The following EZR variants were observed in gnomAD, a reference collection of about 807,000 sequenced individuals.
EZR encodes ezrin.
EZR carries 40 observed loss-of-function variants against 74.8 expected under a neutral mutation model. That is an observed-to-expected ratio of 0.53 (90% CI 0.42 to 0.70). The LOEUF (loss-of-function observed/expected upper bound fraction) is 0.70. Ranked by LOEUF, EZR falls within the 30% of genes least tolerant of loss-of-function variation. The probability of loss-of-function intolerance (pLI) is 0.00; values close to 1 mark genes in which losing one functional copy is unlikely to be tolerated. For synonymous variants in EZR, 341 were observed against 283.3 expected, an observed-to-expected ratio of 1.20 and a Z score of -2.05; for missense variants, 678 against 755.8, an observed-to-expected ratio of 0.90 and a Z score of 1.21.
At chr6:158,780,588 T>C (rs757994459) in intron 7 of EZR, among the ~76,000 whole-genome samples, 1 of 152,178 alleles carries the variant, frequency 6.6e-6, no homozygotes, top group Admixed American at 6.5e-5. Context: ...CGTGCACCCT[T>C]TCCCTTTAAG....
rs1400811429 is a variant in EZR, at chr6:158,766,708, G to GT, written c.*205_*206insA. The GT allele has an allele frequency of 1.7e-6, 1 of 604,842 alleles. No individual in the cohort carries two copies. Among genetic ancestry groups the GT allele is most frequent in the African/African-American group, 1.8e-5 (1 of 54,184 alleles). 37.5% of individuals were successfully genotyped at this position (604,842 alleles called of 1,614,324 possible). ...GATTCGAGAATAATCGCGAGAATCAGGCCTGCTTGGCACTATTACAACTGG... is the reference window on the plus strand; with the variant it reads ...GATTCGAGAATAATCGCGAGAATCAGTGCCTGCTTGGCACTATTACAACTGG... On this transcript the variant is annotated 3_prime_UTR_variant, in exon 14 of 14. Transcript: ENST00000367075.
chr6:158,780,516 A>G (rs1791407710), intron 7 of EZR, among the ~76,000 whole-genome samples: 1 of 152,168 alleles, frequency 6.6e-6, no homozygotes, highest in South Asian at 2.1e-4. Context: ...CTGAGTACCT[A>G]TCCGCAAGGA....
At chr6:158,816,519 C>G (rs770969008) in intron 2 of EZR, among the ~76,000 whole-genome samples, 54 of 152,266 alleles carry the variant, frequency 3.5e-4, no homozygotes, top group Admixed American at 1.5e-3. Flanking sequence ...CTCCGCATAC[C>G]GTTGCACTCA....
In EZR at chr6:158,818,153, G is replaced by A; in HGVS notation, c.-60C>T. ...AACACGACTATCCAGCAGCAGCGAA[G>A]ACGCTGTCCCAACCTGGAGTCAGAG... On this transcript the variant is annotated 5_prime_UTR_variant, in exon 2 of 14. Transcript: ENST00000367075. 1.9e-6 allele frequency: 3 copies of A among 1,596,100 alleles called. No individual in the cohort carries two copies. The highest frequency in any genetic ancestry group is 1.7e-6 in the Non-Finnish European group (2 of 1,167,346).
In EZR at chr6:158,818,136, T is replaced by C; in HGVS notation, c.-43A>G. 6.2e-7 allele frequency: 1 copy of C among 1,605,478 alleles called. No homozygotes were observed. The highest frequency in any genetic ancestry group is 1.1e-5 in the South Asian group (1 of 90,302). On this transcript the variant is annotated 5_prime_UTR_variant, in exon 2 of 14. In the 5' UTR this introduces an upstream ATG that the reference lacks. Coordinates refer to ENST00000367075, the MANE Select transcript of EZR (RefSeq NM_001111077.2). ...TATCCTCGATCCCCGAAAACACGAC[T>C]ATCCAGCAGCAGCGAAGACGCTGTC...
At chr6:158,787,627 T>A (rs1791619189) in intron 3 of EZR, among the ~76,000 whole-genome samples, 1 of 152,132 alleles carries the variant, frequency 6.6e-6, no homozygotes, top group African/African-American at 2.4e-5. Flanking sequence ...GACTAAAGCA[T>A]CCAGTGCCAC....
intron 2 of EZR, among the ~76,000 whole-genome samples, chr6:158,796,858 A>C (rs368847140): frequency 6.6e-6 from 1 of 152,202 alleles, no homozygotes; most frequent in South Asian, 2.1e-4. Flanking sequence ...ATTTTTCAGA[A>C]TATAGTTGGG....
chr6:158,791,130 G>A (rs1385323586), intron 2 of EZR, among the ~76,000 whole-genome samples: 1 of 139,248 alleles, frequency 7.2e-6, no homozygotes, highest in Non-Finnish European at 1.5e-5. Context: ...ATGACTGAGA[G>A]ATCCTCTAAC....
intron 2 of EZR, among the ~76,000 whole-genome samples, chr6:158,792,635 C>T (rs1013186984): frequency 2.6e-5 from 4 of 151,834 alleles, no homozygotes; most frequent in African/African-American, 7.3e-5. Context: ...CTGGCTAACA[C>T]GATGAAACCC....
intron 2 of EZR, among the ~76,000 whole-genome samples, chr6:158,810,335 C>T (rs1777426903): frequency 6.6e-6 from 1 of 152,202 alleles, no homozygotes; most frequent in African/African-American, 2.4e-5. Flanking sequence ...GGGAAGCCCA[C>T]ATCCCTCCAC....
In EZR at chr6:158,787,217, A is replaced by G; in HGVS notation, c.97-14T>C. On this transcript the variant is annotated splice_polypyrimidine_tract_variant and intron_variant, in intron 3 of 13. Coordinates refer to ENST00000367075, the MANE Select transcript of EZR (RefSeq NM_001111077.2). Reference sequence around the variant, plus strand: ...AGTCTTTACCACCTGCGTGAGAGAGAGAGAGGCTCAACACTCATGAGAAAC... The same window carrying G: ...AGTCTTTACCACCTGCGTGAGAGAGGGAGAGGCTCAACACTCATGAGAAAC... 1 of 1,607,232 alleles carries G rather than the reference A, an allele frequency of 6.2e-7. No homozygotes were observed. Among genetic ancestry groups the G allele is most frequent in the South Asian group, 1.1e-5 (1 of 90,930 alleles).
chr6:158,767,225 G>T, intron 13 of EZR, 36 bp downstream of exon 13: 1 of 1,593,744 alleles, frequency 6.3e-7, no homozygotes. Flanking sequence ...CAAAAGCGAG[G>T]CAGGCTCCCT....
intron 8 of EZR, among the ~76,000 whole-genome samples, chr6:158,772,878 G>C (rs1297760114): frequency 2.6e-5 from 4 of 151,732 alleles, no homozygotes; most frequent in African/African-American, 9.7e-5. Flanking sequence ...CAACACATCC[G>C]AGAAGAATCT....
chr6:158,818,113 T>A lies in EZR; in HGVS notation c.-20A>T. The A allele has an allele frequency of 6.2e-7, 1 of 1,607,162 alleles. No homozygotes were observed. The highest frequency in any genetic ancestry group is 8.5e-7 in the Non-Finnish European group (1 of 1,175,360). ...CGGCATTTTCGGTTTCTGGTGAGTA[T>A]CCTCGATCCCCGAAAACACGACTAT... On this transcript the variant is annotated 5_prime_UTR_variant, in exon 2 of 14. Transcript: ENST00000367075.
chr6:158,773,986 G>A (rs888325830), intron 8 of EZR, among the ~76,000 whole-genome samples: 7 of 152,244 alleles, frequency 4.6e-5, no homozygotes, highest in African/African-American at 1.7e-4. Context: ...TGGCAGGGAA[G>A]AGAAGCTGGC....
chr6:158,815,993 A>G (rs948386585), intron 2 of EZR, among the ~76,000 whole-genome samples: 13 of 152,364 alleles, frequency 8.5e-5, no homozygotes, highest in Admixed American at 2.0e-4. Flanking sequence ...GCCATAAGAA[A>G]TAAGAGAGAG....
At chr6:158,793,000 G>A (rs1161938117) in intron 2 of EZR, among the ~76,000 whole-genome samples, 2 of 151,720 alleles carry the variant, frequency 1.3e-5, no homozygotes, top group Admixed American at 6.6e-5. Context: ...CCTATGGTAC[G>A]CAACCTCAAA....
chr6:158,777,266 C>G (rs995015319), intron 7 of EZR, among the ~76,000 whole-genome samples: 7 of 152,228 alleles, frequency 4.6e-5, no homozygotes, highest in Non-Finnish European at 1.0e-4. Flanking sequence ...TCCTCTGGTT[C>G]TCATTCCAGT....
At chr6:158,795,651 C>T (rs988422619) in intron 2 of EZR, among the ~76,000 whole-genome samples, 35 of 152,168 alleles carry the variant, frequency 2.3e-4, no homozygotes, top group African/African-American at 8.0e-4. Context: ...GAGGCATTAG[C>T]CCTTCCTATC....
Sources: allele counts gnomAD v4.1 joint callset (sites outside exome capture counted in the v4.1 genomes callset), GRCh38; gene constraint gnomAD v4.1.1; transcripts MANE v1.5; gene names NCBI Gene and HGNC (gene_info 2026-07-23, HGNC 2026-07-21).